The following ALK variants were observed in gnomAD, a reference collection of about 807,000 sequenced individuals.
ALK encodes the protein ALK receptor tyrosine kinase.
A neutral mutation model predicts 163.1 loss-of-function variants in ALK; 74 were observed. That is an observed-to-expected ratio of 0.45 (90% CI 0.38 to 0.55). The LOEUF (loss-of-function observed/expected upper bound fraction) is 0.55. Ranked by LOEUF, ALK falls within the 20% of genes least tolerant of loss-of-function variation. ALK has a pLI of 0.00. For missense variants in ALK, 2,063 were observed against 2,105.3 expected (o/e 0.98, Z 0.39); for synonymous variants, 960 against 843.2 (o/e 1.14, Z -2.40).
At chr2:29,471,945 G>A (rs1269991111) in intron 4 of ALK, among the ~76,000 whole-genome samples, 1 of 152,168 alleles carries the variant, frequency 6.6e-6, no homozygotes, top group Non-Finnish European at 1.5e-5. Flanking sequence ...GTTTTACCAT[G>A]TTGGCCAGGC....
chr2:29,349,265 G>A (rs1329146881), intron 5 of ALK, among the ~76,000 whole-genome samples: 2 of 152,190 alleles, frequency 1.3e-5, no homozygotes, highest in African/African-American at 2.4e-5. Context: ...CTGTGTTGCA[G>A]CCTGCCACTT....
In ALK at chr2:29,555,092, T is replaced by C. The variant is rs185002383; in HGVS notation, c.953-22976A>G. On this transcript the variant is annotated intron_variant, in intron 3 of 28. Coordinates refer to ENST00000389048, the MANE Select transcript of ALK (RefSeq NM_004304.5). Reference sequence around the variant, plus strand: ...CTCTGTCTATGGAGTAACCATTCTTTTATTCTTCTACTTTCTTAATAAACT... The same window carrying C: ...CTCTGTCTATGGAGTAACCATTCTTCTATTCTTCTACTTTCTTAATAAACT... 5.5e-4 allele frequency among the ~76,000 whole-genome samples: 83 copies of C among 152,252 alleles called. 1 individual carries two copies. The highest frequency in any genetic ancestry group is 1.9e-3 in the African/African-American group (78 of 41,550).
chr2:29,890,367 C>T lies in ALK; in HGVS notation c.667+29626G>A, dbSNP rs1667112347. ...ATGCCTTTGGTAGAAATCTGGATTTCTATGCCCTGAGTTTTCTAAAAGTGA... is the reference window on the plus strand; with the variant it reads ...ATGCCTTTGGTAGAAATCTGGATTTTTATGCCCTGAGTTTTCTAAAAGTGA... On this transcript the variant is annotated intron_variant, in intron 1 of 28. Transcript: ENST00000389048. The T allele has an allele frequency of 1.3e-5, 2 of 152,198 alleles. 1 individual carries two copies. The highest frequency in any genetic ancestry group is 4.1e-4 in the South Asian group (2 of 4,832). 9.4% of individuals were successfully genotyped at this position (152,198 alleles called of 1,614,324 possible). A position where few individuals can be genotyped will look rare whatever the true frequency, so the allele number is the denominator to read the frequency against.
chr2:29,384,574 T>C (rs939747751), intron 4 of ALK, among the ~76,000 whole-genome samples: 1 of 152,156 alleles, frequency 6.6e-6, no homozygotes, highest in Non-Finnish European at 1.5e-5. Context: ...CTCATGCTAT[T>C]AACCTCTTGA....
intron 7 of ALK, 94 bp downstream of exon 7, chr2:29,320,657 C>T: frequency 3.2e-6 from 5 of 1,572,768 alleles, no homozygotes; most frequent in Non-Finnish European, 4.4e-6. Flanking sequence ...CCGAGCTTGC[C>T]CTGCAGGTGG....
At chr2:29,648,932 G>A (rs375852949) in intron 3 of ALK, among the ~76,000 whole-genome samples, 3 of 152,180 alleles carry the variant, frequency 2.0e-5, no homozygotes, top group East Asian at 1.9e-4. Flanking sequence ...GGCTGGGTAT[G>A]GAATTCTAAA....
chr2:29,433,042 A>G (rs988666227), intron 4 of ALK, among the ~76,000 whole-genome samples: 1 of 152,220 alleles, frequency 6.6e-6, no homozygotes, highest in Non-Finnish European at 1.5e-5. Context: ...TTAACAAAAA[A>G]GTCCTCTTTA....
intron 5 of ALK, among the ~76,000 whole-genome samples, chr2:29,370,090 T>C (rs866710600): frequency 6.6e-6 from 1 of 152,218 alleles, no homozygotes; most frequent in African/African-American, 2.4e-5. Flanking sequence ...GATCCTGTGA[T>C]GGTAAGACAA....
rs115889665 is a variant in ALK at position 29,824,641 on chromosome 2, G to A, written c.667+95352C>T. Among the ~76,000 whole-genome samples, 1,316 of 152,348 alleles carry A rather than the reference G, an allele frequency of 8.6e-3. 25 individuals are homozygous for A. The highest frequency in any genetic ancestry group is 0.029 in the African/African-American group (1,207 of 41,568). ...TGGATTTCAAACTTGCACAGGGCCT[G>A]TAGCCCCTTTGTTTTGGTCAATTTC... On this transcript the variant is annotated intron_variant, in intron 1 of 28. Transcript: ENST00000389048.
At chr2:29,288,259 T>C (rs1665911813) in intron 9 of ALK, among the ~76,000 whole-genome samples, 1 of 152,222 alleles carries the variant, frequency 6.6e-6, no homozygotes, top group Admixed American at 6.5e-5. Context: ...TAATGTGCTA[T>C]TTGCATAGGC....
At chr2:29,538,612 G>A (rs1472409509) in intron 3 of ALK, among the ~76,000 whole-genome samples, 1 of 152,092 alleles carries the variant, frequency 6.6e-6, no homozygotes, top group African/African-American at 2.4e-5. Flanking sequence ...CCTTTACAGT[G>A]ACACAAGCAT....
At chr2:29,404,820 G>C (rs959347697) in intron 4 of ALK, among the ~76,000 whole-genome samples, 2 of 152,168 alleles carry the variant, frequency 1.3e-5, no homozygotes, top group African/African-American at 2.4e-5. Context: ...GAATTAACTG[G>C]GGAAAGAGAA....
intron 1 of ALK, among the ~76,000 whole-genome samples, chr2:29,725,240 A>G (rs1458588129): frequency 1.3e-5 from 2 of 149,516 alleles, no homozygotes; most frequent in African/African-American, 4.9e-5. Flanking sequence ...CACTCTGGCC[A>G]CTGTTTGCCT....
At chr2:29,671,111 T>C (rs1677672443) in intron 3 of ALK, among the ~76,000 whole-genome samples, 1 of 152,002 alleles carries the variant, frequency 6.6e-6, no homozygotes, top group Non-Finnish European at 1.5e-5. Flanking sequence ...TTTATTCTAG[T>C]TTTCTCTCTC....
At chr2:29,709,918 A>G (rs1212661355) in intron 2 of ALK, among the ~76,000 whole-genome samples, 1 of 152,176 alleles carries the variant, frequency 6.6e-6, no homozygotes, top group Non-Finnish European at 1.5e-5. Context: ...ACATTCCTTC[A>G]TCTAAAAATT....
At chr2:29,674,243 G>A (rs1677801393) in intron 3 of ALK, among the ~76,000 whole-genome samples, 1 of 151,560 alleles carries the variant, frequency 6.6e-6, no homozygotes, top group Non-Finnish European at 1.5e-5. Context: ...GGGCATCCCT[G>A]TCTTGTGCCA....
At chr2:29,681,815 C>G (rs1423593179) in intron 3 of ALK, among the ~76,000 whole-genome samples, 1 of 151,536 alleles carries the variant, frequency 6.6e-6, no homozygotes, top group East Asian at 2.0e-4. Context: ...ATGTGATTTC[C>G]TTCTGAAGGA....
intron 2 of ALK, among the ~76,000 whole-genome samples, chr2:29,709,887 G>T (rs1679021318): frequency 6.6e-6 from 1 of 152,124 alleles, no homozygotes; most frequent in South Asian, 2.1e-4. Context: ...TGGAATGTTG[G>T]GGGTATCACA....
At chr2:29,471,313 C>T (rs1671341382) in intron 4 of ALK, among the ~76,000 whole-genome samples, 1 of 152,012 alleles carries the variant, frequency 6.6e-6, no homozygotes, top group African/African-American at 2.4e-5. Flanking sequence ...ACTTTGATAA[C>T]AAAATCTAAG....
Sources: gnomAD v4.1 joint callset for allele counts (sites outside exome capture counted in the v4.1 genomes callset) on GRCh38, gnomAD v4.1.1 for gene constraint, MANE v1.5 for transcripts, NCBI Gene and HGNC (gene_info 2026-07-23, HGNC 2026-07-21) for gene names.